SAXO2: variants seen among roughly 807,000 people sequenced by gnomAD.
SAXO2 encodes the protein family with sequence similarity 154, member B.
A neutral mutation model predicts 18.7 loss-of-function variants in SAXO2; 17 were observed. That is an observed-to-expected ratio of 0.91 (90% confidence interval 0.62 to 1.36). SAXO2 has a LOEUF of 1.36. Among genes scored for constraint, SAXO2 ranks in the 40% most tolerant of loss-of-function variants. The pLI, the probability that SAXO2 is intolerant of heterozygous loss-of-function variation, is 0.00. For synonymous variants in SAXO2, 163 were observed against 181.2 expected, an observed-to-expected ratio of 0.90 and a Z score of 0.81; for missense variants, 486 against 562.6, an observed-to-expected ratio of 0.86 and a Z score of 1.38.
chr15:82,283,210 CAG>C lies in SAXO2; in HGVS notation c.*150_*151del. ...AATTGGAAAATATATTATAAGAAAT[CAG>C]AATCTTAAAACCATTTTTTATTGAT... On this transcript the variant is annotated 3_prime_UTR_variant, in exon 4 of 4. Transcript: ENST00000682753. 1 of 511,386 alleles carries C rather than the reference CAG, an allele frequency of 2.0e-6. No homozygotes were observed. The highest frequency in any genetic ancestry group is 3.1e-6 in the Non-Finnish European group (1 of 321,778). 31.7% of individuals were successfully genotyped at this position (511,386 alleles called of 1,614,324 possible).
At chr15:82,281,396 A>G (rs2075360718) in intron 3 of SAXO2, among the ~76,000 whole-genome samples, 1 of 152,100 alleles carries the variant, frequency 6.6e-6, no homozygotes, top group Admixed American at 6.5e-5. Flanking sequence ...CTCTGCTCTG[A>G]TGGTCACTTG....
chr15:82,272,087 A>T (rs960841943), intron 3 of SAXO2: 2 of 347,610 alleles, frequency 5.8e-6, no homozygotes, highest in Non-Finnish European at 1.0e-5. Context: ...AAGAAGCATT[A>T]TGTCACATTT....
chr15:82,263,371 C>G, intron 1 of SAXO2: 1 of 760,330 alleles, frequency 1.3e-6, no homozygotes, highest in South Asian at 1.5e-5. Flanking sequence ...TTCTGTCCTC[C>G]CAGCCAGACC....
chr15:82,269,953 A>G (rs1470040762), intron 2 of SAXO2, among the ~76,000 whole-genome samples: 1 of 152,178 alleles, frequency 6.6e-6, no homozygotes, highest in Admixed American at 6.5e-5. Flanking sequence ...GGATGGTGAT[A>G]GTGTTCACTT....
Position 82,264,959 on chromosome 15 carries a change from T to C in SAXO2, c.54-610T>C, listed in dbSNP as rs1323612242. 5.5e-6 allele frequency: 3 copies of C among 548,300 alleles called. No homozygotes were observed. The African/African-American group carries it at 5.6e-5, about 10-fold the overall frequency. The allele number at this position is 548,300 out of a possible 1,614,324, so 34.0% of individuals were successfully genotyped here. A position where few individuals can be genotyped will look rare whatever the true frequency, so the allele number is the denominator to read the frequency against. ...CATAGTAGGTGAAACCTAAATTGTA[T>C]GTGGAACCTTTCTGCAAGAGCATGG... is the stretch of plus-strand genomic sequence containing the variant. On this transcript the variant is annotated intron_variant, in intron 1 of 3. Coordinates refer to ENST00000682753, the MANE Select transcript of SAXO2 (RefSeq NM_001348699.2).
intron 1 of SAXO2, among the ~76,000 whole-genome samples, chr15:82,264,284 A>G (rs1437497371): frequency 2.6e-5 from 4 of 151,418 alleles, no homozygotes; most frequent in Admixed American, 1.3e-4. Context: ...GTTGGCCTCC[A>G]TCTCCTGACC....
rs1342095804 is a variant in SAXO2 at position 82,282,349 on chromosome 15, C to T, written c.664C>T (p.Leu222Phe). The T allele has an allele frequency of 1.2e-6, 2 of 1,614,172 alleles. No homozygotes were observed. The highest frequency in any genetic ancestry group is 2.2e-5 in the South Asian group (2 of 91,084). ...RLDYIPHQLELKFERPKEVYK... is the reference protein window; with the variant it reads ...RLDYIPHQLEFKFERPKEVYK... ...TGATTATATACCTCATCAGCTTGAA[C>T]TCAAGTTTGAAAGGCCAAAAGAAGT... The change falls in exon 4 of 4, where the codon CTC (leucine) becomes TTC (phenylalanine). Residue 222 changes from leucine (L) to phenylalanine (F), a missense_variant. Physicochemically the swap from Leu to Phe is conservative, Grantham distance 22 (BLOSUM62 0). Transcript: ENST00000682753.
chr15:82,269,627 G>A (rs576754909), intron 2 of SAXO2, among the ~76,000 whole-genome samples: 1 of 152,252 alleles, frequency 6.6e-6, no homozygotes, highest in South Asian at 2.1e-4. Context: ...AGGTAAGGAA[G>A]AGGCTAGGGA....
At chr15:82,275,280 C>CAAA (rs2075304582) in intron 3 of SAXO2, among the ~76,000 whole-genome samples, 1 of 43,038 alleles carries the variant, frequency 2.3e-5, no homozygotes, top group Non-Finnish European at 5.9e-5. Flanking sequence ...AACCTATCAA[C>CAAA]CAAAAAAAAA....
chr15:82,268,786 A>C (rs554795267), intron 2 of SAXO2, among the ~76,000 whole-genome samples: 2 of 152,226 alleles, frequency 1.3e-5, no homozygotes, highest in East Asian at 3.8e-4. Flanking sequence ...AGACACATCA[A>C]ATGTTTCAGG....
rs149921747 is a variant in SAXO2 at position 82,282,941 on chromosome 15, C to T, written c.1256C>T (p.Pro419Leu). 5.9e-5 allele frequency: 95 copies of T among 1,613,782 alleles called. No homozygotes were observed. The highest frequency in any genetic ancestry group is 1.8e-4 in the South Asian group (16 of 91,056). The change falls in exon 4 of 4, where the codon CCG (proline) becomes CTG (leucine). Residue 419 changes from proline (P) to leucine (L), a missense_variant. Coordinates refer to ENST00000682753, the MANE Select transcript of SAXO2 (RefSeq NM_001348699.2). ...ACCATGTACTCTGTAGAGTACACAC[C>T]GAAAAGACAGGAAATTTGCCCAGCC... ...DVTMYSVEYT[P>L]KRQEICPASY... is the part of the protein sequence containing the mutation.
At chr15:82,263,955 A>G (rs2075173534) in intron 1 of SAXO2, among the ~76,000 whole-genome samples, 1 of 152,186 alleles carries the variant, frequency 6.6e-6, no homozygotes, top group African/African-American at 2.4e-5. Context: ...TAAATACACA[A>G]GAAGTATCAT....
chr15:82,264,080 T>C (rs2075179016), intron 1 of SAXO2, among the ~76,000 whole-genome samples: 1 of 149,714 alleles, frequency 6.7e-6, no homozygotes, highest in Admixed American at 6.6e-5. Flanking sequence ...TTTTTTTTTT[T>C]TTTTTTTTTG....
In SAXO2 at chr15:82,282,513, T is replaced by C. The variant is rs1222550742; in HGVS notation, c.828T>C (p.Thr276=). The C allele has an allele frequency of 6.2e-7, 1 of 1,614,144 alleles. No individual in the cohort carries two copies. The highest frequency in any genetic ancestry group is 8.5e-7 in the Non-Finnish European group (1 of 1,180,012). The change falls in exon 4 of 4, where the codon ACT becomes ACC. Residue 276 remains threonine, a synonymous_variant. Transcript: ENST00000682753. ...VTQNALFEGS[T]EFRESFQPWE... ...AGAATGCTCTGTTTGAAGGAAGCAC[T>C]GAATTCCGTGAAAGTTTTCAACCAT...
At position 82,265,344 on chromosome 15, in the gene SAXO2, G is replaced by A. The variant is rs576226143; in HGVS notation, c.54-225G>A. Reference sequence around the variant, plus strand: ...TTTTTAGTAGAGACGGGGTTTCACCGTGTTAGTCAGGATGGTCTCGATCTC... The same window carrying A: ...TTTTTAGTAGAGACGGGGTTTCACCATGTTAGTCAGGATGGTCTCGATCTC... On this transcript the variant is annotated intron_variant, in intron 1 of 3. Coordinates refer to ENST00000682753, the MANE Select transcript of SAXO2 (RefSeq NM_001348699.2). Among the ~76,000 whole-genome samples the A allele has an allele frequency of 3.3e-5, 5 of 152,138 alleles. No homozygotes were observed. The East Asian group carries it at 5.8e-4, about 18-fold the overall frequency.
Position 82,282,809 on chromosome 15 carries a change from GT to G in SAXO2, c.1127del (p.Leu376Ter), listed in dbSNP as rs1432831430. On this transcript the variant is annotated frameshift_variant, in exon 4 of 4. Coordinates refer to ENST00000682753, the MANE Select transcript of SAXO2 (RefSeq NM_001348699.2). LOFTEE classifies it low-confidence loss of function (END_TRUNC). ...CCCAACCCATCTGGAAAATTTGATG[GT>G]TTGAGCACTTTCAGATCTCACTATG... ...QIPNPSGKFD[G>X]LSTFRSHYVP... The G allele has an allele frequency of 6.2e-7, 1 of 1,613,910 alleles. No individual in the cohort carries two copies. Among genetic ancestry groups the G allele is most frequent in the African/African-American group, 1.3e-5 (1 of 74,922 alleles).
At chr15:82,275,281 CAA>C (rs756023248) in intron 3 of SAXO2, among the ~76,000 whole-genome samples, 2 of 45,908 alleles carry the variant, frequency 4.4e-5, no homozygotes, top group African/African-American at 9.0e-5. Context: ...ACCTATCAAC[CAA>C]AAAAAAAAAA....
Position 82,283,584 on chromosome 15 carries a change from A to C in SAXO2, c.*522A>C, listed in dbSNP as rs2075386635. On this transcript the variant is annotated 3_prime_UTR_variant, in exon 4 of 4. Coordinates refer to ENST00000682753, the MANE Select transcript of SAXO2 (RefSeq NM_001348699.2). The stretch of plus-strand genomic sequence containing the variant: ...TGCTGCACTGCTCCTCACCATGTTC[A>C]AGTTAGCAAGAGGCACTGTGGTGTG... 2.0e-5 allele frequency: 3 copies of C among 152,438 alleles called. No homozygotes were observed. In the South Asian group the frequency reaches 6.2e-4, roughly 32 times the overall value. 9.4% of individuals were successfully genotyped at this position (152,438 alleles called of 1,614,324 possible).
chr15:82,263,119 G>A, intron 1 of SAXO2, 187 bp downstream of exon 1: 1 of 1,478,340 alleles, frequency 6.8e-7, no homozygotes, highest in South Asian at 1.3e-5. Context: ...GCTACCCGGG[G>A]GTAAAACGTT....
Sources: allele counts gnomAD v4.1 joint callset (sites outside exome capture counted in the v4.1 genomes callset), GRCh38; gene constraint gnomAD v4.1.1; transcripts MANE v1.5; gene names NCBI Gene and HGNC (gene_info 2026-07-23, HGNC 2026-07-21).